The following COL22A1 variants were observed in gnomAD, a reference collection of about 807,000 sequenced individuals.
COL22A1 encodes collagen alpha-1(XXII) chain.
Under a neutral mutation model 248.9 loss-of-function variants are expected in COL22A1, and 221 were observed. That is an observed-to-expected ratio of 0.89 (90% CI 0.80 to 0.99). COL22A1 has a LOEUF of 0.99. COL22A1 is among the 50% of genes least tolerant of loss of function. The pLI is 0.00. For missense variants in COL22A1, 2,240 were observed against 2,179.0 expected, an observed-to-expected ratio of 1.03 and a Z score of -0.56; for synonymous variants, 891 against 793.4, an observed-to-expected ratio of 1.12 and a Z score of -2.07.
chr8:138,902,891 G>A (rs538710698), intron 1 of COL22A1, among the ~76,000 whole-genome samples: 212 of 151,926 alleles, frequency 1.4e-3, no homozygotes, highest in African/African-American at 4.9e-3. Flanking sequence ...CACCAAACGC[G>A]GTTGGTCTCA....
Position 138,833,090 on chromosome 8 carries a change from G to A in COL22A1, c.794C>T (p.Ala265Val). The A allele has an allele frequency of 3.1e-6, 5 of 1,614,008 alleles. No individual in the cohort carries two copies. Among genetic ancestry groups the A allele is most frequent in the Non-Finnish European group, 4.2e-6 (5 of 1,179,834 alleles). Residue 265 changes from alanine (A) to valine (V), a missense_variant, in exon 5 of 65, where the codon GCT (alanine) becomes GTT (valine). Transcript: ENST00000303045. ...TCCCATCCGTACATAGGAACTCTGA[G>A]CTCCATTCTCTCTCTTCCCCAAGAT... ...KEILGKRENG[A>V]QSSYVRMGSF...
intron 52 of COL22A1, among the ~76,000 whole-genome samples, chr8:138,622,112 G>A (rs1259461101): frequency 6.6e-6 from 1 of 152,190 alleles, no homozygotes; most frequent in African/African-American, 2.4e-5. Context: ...AAACCTCACT[G>A]TAGAAACTTT....
chr8:138,819,460 A>G (rs796872130), intron 7 of COL22A1, among the ~76,000 whole-genome samples: 3 of 152,146 alleles, frequency 2.0e-5, no homozygotes, highest in African/African-American at 7.2e-5. Context: ...AGGCAAATGC[A>G]GATGAAAACC....
At chr8:138,889,070 G>C (rs985064536) in intron 1 of COL22A1, among the ~76,000 whole-genome samples, 1 of 152,138 alleles carries the variant, frequency 6.6e-6, no homozygotes, top group African/African-American at 2.4e-5. Context: ...TATTGCATGA[G>C]CTCATGTGAC....
At chr8:138,707,121 G>C (rs1358952354) in intron 30 of COL22A1, among the ~76,000 whole-genome samples, 2 of 152,138 alleles carry the variant, frequency 1.3e-5, no homozygotes, top group Non-Finnish European at 2.9e-5. Context: ...ACAATAACAG[G>C]CTCTGAAATT....
chr8:138,850,378 T>C (rs994613629), intron 3 of COL22A1, among the ~76,000 whole-genome samples: 2 of 152,226 alleles, frequency 1.3e-5, no homozygotes, highest in Middle Eastern at 3.4e-3. Context: ...GTAGACAAAA[T>C]ATCGCCAGAA....
At chr8:138,830,323 C>T (rs145845376) in intron 5 of COL22A1, among the ~76,000 whole-genome samples, 21 of 152,224 alleles carry the variant, frequency 1.4e-4, no homozygotes, top group African/African-American at 3.6e-4. Flanking sequence ...AGATAAGGTG[C>T]GTCAATGCCC....
chr8:138,641,525 A>C (rs1428719600), intron 47 of COL22A1, among the ~76,000 whole-genome samples: 1 of 152,156 alleles, frequency 6.6e-6, no homozygotes, highest in Non-Finnish European at 1.5e-5. Context: ...CTTTACACGG[A>C]TCATAACCAC....
intron 31 of COL22A1, among the ~76,000 whole-genome samples, chr8:138,701,294 T>C (rs1156929910): frequency 1.3e-5 from 2 of 152,204 alleles, no homozygotes; most frequent in African/African-American, 4.8e-5. Context: ...GGTTAGTTTA[T>C]CTTCTTGACT....
rs745876979 is a variant in COL22A1 at position 138,765,079 on chromosome 8, C to T, written c.1804-2613G>A. Among the ~76,000 whole-genome samples the T allele has an allele frequency of 3.8e-4, 58 of 152,222 alleles. 1 individual carries two copies. The highest frequency in any genetic ancestry group is 8.2e-4 in the Non-Finnish European group (56 of 68,042). ...GATTCCACATCTATCACTATATCCT[C>T]TCCTCCAAACTTGGCAAGGTTGGCA... On this transcript the variant is annotated intron_variant, in intron 16 of 64. Transcript: ENST00000303045.
intron 22 of COL22A1, among the ~76,000 whole-genome samples, chr8:138,748,235 C>T (rs1055701818): frequency 5.9e-5 from 9 of 152,204 alleles, no homozygotes; most frequent in Admixed American, 5.9e-4. Flanking sequence ...TCCCTCTGTC[C>T]TCTGAACATC....
intron 15 of COL22A1, among the ~76,000 whole-genome samples, chr8:138,776,276 C>T (rs776795647): frequency 1.8e-4 from 27 of 152,266 alleles, no homozygotes; most frequent in Non-Finnish European, 2.9e-4. Context: ...CAGGTCCTCA[C>T]GGCCATAGAT....
At chr8:138,889,291 T>C (rs1824882175) in intron 1 of COL22A1, among the ~76,000 whole-genome samples, 1 of 152,138 alleles carries the variant, frequency 6.6e-6, no homozygotes, top group Admixed American at 6.5e-5. Context: ...CTATTCACAA[T>C]ACCAAAGACT....
intron 41 of COL22A1, among the ~76,000 whole-genome samples, chr8:138,667,842 G>C (rs28679592): frequency 0.044 from 6,735 of 152,080 alleles, 436 homozygotes; most frequent in African/African-American, 0.15. Flanking sequence ...CCTCCTGCTG[G>C]ATGAACACCC....
rs368017014 is a variant in COL22A1 at position 138,724,518 on chromosome 8, G to A, written c.2247+97C>T. 362 of 1,219,822 alleles carry A rather than the reference G, an allele frequency of 3.0e-4. 1 individual carries two copies. The African/African-American group carries it at 4.6e-3, about 16-fold the overall frequency. 75.6% of individuals were successfully genotyped at this position (1,219,822 alleles called of 1,614,324 possible). On this transcript the variant is annotated intron_variant, in intron 25 of 64. Transcript: ENST00000303045. ...GCTGGCCAAGGAGTCCTCAGCTCTAGGAAAGTGGCTCTGGGCCAGCTGCAA... is the reference window on the plus strand; with the variant it reads ...GCTGGCCAAGGAGTCCTCAGCTCTAAGAAAGTGGCTCTGGGCCAGCTGCAA...
At chr8:138,605,893 C>T (rs1018950402) in intron 58 of COL22A1, among the ~76,000 whole-genome samples, 4 of 152,188 alleles carry the variant, frequency 2.6e-5, no homozygotes, top group African/African-American at 9.7e-5. Context: ...AAATCACTTA[C>T]ATGTTCTGAC....
intron 7 of COL22A1, among the ~76,000 whole-genome samples, chr8:138,820,201 G>A (rs1818993869): frequency 6.6e-6 from 1 of 152,136 alleles, no homozygotes; most frequent in Non-Finnish European, 1.5e-5. Flanking sequence ...TATGCGTAAT[G>A]GTACTATATT....
At chr8:138,898,305 C>T (rs947988886) in intron 1 of COL22A1, among the ~76,000 whole-genome samples, 1 of 152,176 alleles carries the variant, frequency 6.6e-6, no homozygotes, top group Non-Finnish European at 1.5e-5. Flanking sequence ...TTTCTGCCTT[C>T]TCCAGAAATG....
intron 5 of COL22A1, 25 bp from the exon 6 acceptor site, chr8:138,826,806 A>G (rs756456763): frequency 5.0e-6 from 8 of 1,612,880 alleles, no homozygotes; most frequent in Non-Finnish European, 6.8e-6. Context: ...AGACAAAGAC[A>G]CCAGGCTTGG....
Sources: gnomAD v4.1 joint callset for allele counts (sites outside exome capture counted in the v4.1 genomes callset) on GRCh38, gnomAD v4.1.1 for gene constraint, MANE v1.5 for transcripts, NCBI Gene and HGNC (gene_info 2026-07-23, HGNC 2026-07-21) for gene names.